NOTCH2: variants seen among roughly 807,000 people sequenced by gnomAD.
NOTCH2 encodes the protein notch receptor 2, also known as neurogenic locus notch homolog protein 2.
In NOTCH2, 29 loss-of-function variants were observed where a neutral mutation model predicts 235.8. That is an observed-to-expected ratio of 0.12 (90% CI 0.09 to 0.17). The LOEUF (loss-of-function observed/expected upper bound fraction) is 0.17, where lower values mean the gene tolerates loss of function less well. Ranked by LOEUF, NOTCH2 falls within the 10% of genes least tolerant of loss-of-function variation. The pLI is 1.00. For missense variants in NOTCH2, 2,285 were observed against 3,150.2 expected, an observed-to-expected ratio of 0.73 and a Z score of 6.57; for synonymous variants, 1,086 against 1,141.5, an observed-to-expected ratio of 0.95 and a Z score of 0.98.
intron 5 of NOTCH2, among the ~76,000 whole-genome samples, chr1:119,982,116 C>T (rs374021016): frequency 4.1e-4 from 62 of 152,134 alleles, no homozygotes; most frequent in African/African-American, 1.3e-3. Flanking sequence ...GGCAAATGTA[C>T]TTGCCAACTC....
At chr1:119,972,208 G>A (rs898699880) in intron 5 of NOTCH2, among the ~76,000 whole-genome samples, 1 of 152,160 alleles carries the variant, frequency 6.6e-6, no homozygotes, top group South Asian at 2.1e-4. Flanking sequence ...TGAGCTCACC[G>A]GCAATAATCT....
intron 12 of NOTCH2, among the ~76,000 whole-genome samples, chr1:119,956,267 T>C (rs1650694275): frequency 6.6e-6 from 1 of 152,244 alleles, no homozygotes; most frequent in Non-Finnish European, 1.5e-5. Context: ...TATGAAATGT[T>C]AAAATTACCT....
At chr1:119,932,013 T>C (rs1312418098) in intron 22 of NOTCH2, among the ~76,000 whole-genome samples, 2 of 147,976 alleles carry the variant, frequency 1.4e-5, no homozygotes, top group East Asian at 1.9e-4. Context: ...TATATACATA[T>C]ATATATATAT....
chr1:119,932,887 G>A (rs1268470676), intron 22 of NOTCH2, among the ~76,000 whole-genome samples: 3 of 152,144 alleles, frequency 2.0e-5, no homozygotes, highest in African/African-American at 4.8e-5. Flanking sequence ...ATGTTTGCAG[G>A]AGAGGGAAAA....
At chr1:119,935,053 C>A in intron 22 of NOTCH2, 3 of 948,714 alleles carry the variant, frequency 3.2e-6, no homozygotes, top group Non-Finnish European at 3.8e-6. Flanking sequence ...ATTTTCATTT[C>A]ATTCATTCCC....
At chr1:119,960,793 C>A (rs782144193) in intron 11 of NOTCH2, among the ~76,000 whole-genome samples, 29 of 152,026 alleles carry the variant, frequency 1.9e-4, no homozygotes, top group Non-Finnish European at 3.5e-4. Context: ...CCCACCTCAG[C>A]CTCCCGATTA....
At chr1:119,924,100 C>G (rs1649380845) in intron 25 of NOTCH2, 116 bp from the exon 26 acceptor site, 1 of 878,164 alleles carries the variant, frequency 1.1e-6, no homozygotes, top group South Asian at 1.5e-5. Flanking sequence ...GGCCCACACC[C>G]AGGACCCAAA....
At chr1:119,979,419 AG>A (rs1651724880) in intron 5 of NOTCH2, among the ~76,000 whole-genome samples, 1 of 152,226 alleles carries the variant, frequency 6.6e-6, no homozygotes. Context: ...GAAGACACAA[AG>A]GAACAATGTC....
intron 22 of NOTCH2, among the ~76,000 whole-genome samples, chr1:119,931,076 CT>C (rs1553195041): frequency 1.4e-5 from 2 of 144,320 alleles, no homozygotes; most frequent in African/African-American, 5.3e-5. Context: ...GCACTCCAGC[CT>C]GGGCAACAGA....
intron 12 of NOTCH2, among the ~76,000 whole-genome samples, chr1:119,957,829 AACACACACACACACACACACACACACAC>A (rs3222739): frequency 2.6e-5 from 3 of 116,436 alleles, no homozygotes; most frequent in Non-Finnish European, 3.5e-5. Context: ...GCCTTATATA[AACACACACACACACACACACACACACAC>A]ACACACACAC....
intron 8 of NOTCH2, 22 bp from the exon 9 acceptor site, chr1:119,966,511 A>C (rs1174125750): frequency 1.3e-6 from 2 of 1,545,632 alleles, no homozygotes; most frequent in African/African-American, 2.7e-5. Flanking sequence ...AGACCACACA[A>C]GTGGCTTAAA....
chr1:119,961,031 C>T (rs187434899), intron 11 of NOTCH2, among the ~76,000 whole-genome samples: 39 of 152,190 alleles, frequency 2.6e-4, no homozygotes, highest in African/African-American at 7.2e-4. Flanking sequence ...GAGCAAAGTA[C>T]GCTGCTTTGC....
At chr1:120,002,035 C>T (rs1652777783) in intron 3 of NOTCH2, among the ~76,000 whole-genome samples, 1 of 152,162 alleles carries the variant, frequency 6.6e-6, no homozygotes, top group African/African-American at 2.4e-5. Context: ...TCTCCCATAG[C>T]CAGGATTCAC....
chr1:119,956,841 C>T (rs1013296698), intron 12 of NOTCH2, among the ~76,000 whole-genome samples: 3 of 152,176 alleles, frequency 2.0e-5, no homozygotes, highest in African/African-American at 4.8e-5. Flanking sequence ...GCATTAAATG[C>T]AGTCCACTAT....
In NOTCH2 at chr1:119,986,957, T is replaced by A; in HGVS notation, c.874+3A>T. ...TCTGGTGGATTCTCCACACTGTACA[T>A]ACCTGTCCATTGTGGGGGACAGCGG... On this transcript the variant is annotated splice_donor_region_variant and intron_variant, in intron 5 of 33. Coordinates refer to ENST00000256646, the MANE Select transcript of NOTCH2 (RefSeq NM_024408.4). 1 of 1,613,524 alleles carries A rather than the reference T, an allele frequency of 6.2e-7. No individual in the cohort carries two copies. The highest frequency in any genetic ancestry group is 8.5e-7 in the Non-Finnish European group (1 of 1,179,524).
chr1:120,027,077 G>A (rs587711493), intron 2 of NOTCH2, among the ~76,000 whole-genome samples: 2 of 145,872 alleles, frequency 1.4e-5, no homozygotes, highest in African/African-American at 2.5e-5. Flanking sequence ...TCAGCCTCCC[G>A]AGTAACTGGG....
At chr1:119,956,242 T>C (rs1199686994) in intron 12 of NOTCH2, among the ~76,000 whole-genome samples, 2 of 152,236 alleles carry the variant, frequency 1.3e-5, no homozygotes, top group Non-Finnish European at 2.9e-5. Flanking sequence ...GATTTAACTA[T>C]ATATTCCAAA....
chr1:119,974,731 C>G (rs1274207910), intron 5 of NOTCH2, among the ~76,000 whole-genome samples: 4 of 152,170 alleles, frequency 2.6e-5, no homozygotes, highest in Non-Finnish European at 5.9e-5. Context: ...AGGTACCTGT[C>G]TTATCAATAG....
At chr1:119,951,836 C>A (rs1385600528) in intron 14 of NOTCH2, among the ~76,000 whole-genome samples, 1 of 152,248 alleles carries the variant, frequency 6.6e-6, no homozygotes, top group Non-Finnish European at 1.5e-5. Context: ...CTGCTGCCCA[C>A]TGGGCATATA....
Sources: allele counts gnomAD v4.1 joint callset (sites outside exome capture counted in the v4.1 genomes callset), GRCh38; gene constraint gnomAD v4.1.1; transcripts MANE v1.5; gene names NCBI Gene and HGNC (gene_info 2026-07-23, HGNC 2026-07-21).